Variants in MAVS observed in about 807,000 individuals in gnomAD.
The protein encoded by MAVS is mitochondrial antiviral signaling protein.
MAVS carries 20 observed loss-of-function variants against 30.2 expected under a neutral mutation model. The ratio of observed to expected loss-of-function variants is 0.66; its 90% confidence interval spans 0.47 to 0.96. The LOEUF is 0.96. Among genes scored for constraint, MAVS ranks in the 40% least tolerant of loss-of-function variants. The pLI is 0.00. For missense variants in MAVS, 624 were observed against 701.1 expected (o/e 0.89, Z 1.24); for synonymous variants, 278 against 293.9 (o/e 0.95, Z 0.55).
chr20:3,864,492 G>A lies in MAVS; in HGVS notation c.862G>A (p.Glu288Lys). Residue 288 changes from glutamate to lysine, a missense_variant, in exon 6 of 7, where the codon GAG becomes AAG. Glu to Lys is a moderately conservative substitution (Grantham distance 56). Transcript: ENST00000428216. ...GCCTATCATCTGCTCCAGTGGGGCAGAGGCACCTGCCAACTCTCTGCCCTC... is the reference window on the plus strand; with the variant it reads ...GCCTATCATCTGCTCCAGTGGGGCAAAGGCACCTGCCAACTCTCTGCCCTC... ...AEPIICSSGAEAPANSLPSKV... is the reference protein window; with the variant it reads ...AEPIICSSGAKAPANSLPSKV... 2 of 1,614,078 alleles carry A rather than the reference G, an allele frequency of 1.2e-6. No homozygotes were observed. The highest frequency in any genetic ancestry group is 1.1e-5 in the South Asian group (1 of 91,088).
intron 3 of MAVS, among the ~76,000 whole-genome samples, chr20:3,858,664 C>CA (rs1286736257): frequency 0.026 from 1,676 of 64,388 alleles, 17 homozygotes; most frequent in South Asian, 0.083. Flanking sequence ...GATTCCATCT[C>CA]AAAAAAAAAA....
At chr20:3,848,247 T>A (rs187881701) in intron 1 of MAVS, among the ~76,000 whole-genome samples, 10 of 152,050 alleles carry the variant, frequency 6.6e-5, no homozygotes, top group South Asian at 2.1e-4. Flanking sequence ...TACAGGTGTG[T>A]GCCACCATGC....
At chr20:3,848,962 G>C (rs567834132) in intron 1 of MAVS, among the ~76,000 whole-genome samples, 4 of 152,252 alleles carry the variant, frequency 2.6e-5, no homozygotes, top group Admixed American at 6.5e-5. Context: ...TAGTCATCCT[G>C]TCTCCTGGGC....
rs1446633624 is a variant in MAVS, at chr20:3,850,282, A to G, written c.-68+3379A>G. On this transcript the variant is annotated intron_variant, in intron 1 of 6. Transcript: ENST00000428216. ...AAGGAGCGAGACTGTCTCAAAAAAA[A>G]AAAAAAAAAAAAAAAAAGAAATTTT... Among the ~76,000 whole-genome samples the G allele has an allele frequency of 4.5e-4, 65 of 144,424 alleles. No individual in the cohort carries two copies. In the East Asian group the frequency reaches 0.013, roughly 29 times the overall value. The allele number at this position is 144,424 out of a possible 152,430, so 94.7% of individuals were successfully genotyped here.
At chr20:3,852,140 A>G (rs370580363) in intron 1 of MAVS, among the ~76,000 whole-genome samples, 11 of 150,708 alleles carry the variant, frequency 7.3e-5, no homozygotes, top group East Asian at 5.9e-4. Context: ...GACTACAGGC[A>G]CCCGCCAGTA....
rs553361495 is a variant in MAVS at position 3,857,819 on chromosome 20, C to T, written c.292+10C>T. The T allele has an allele frequency of 6.2e-7, 1 of 1,614,084 alleles. No individual in the cohort carries two copies. The highest frequency in any genetic ancestry group is 8.5e-7 in the Non-Finnish European group (1 of 1,179,966). On this transcript the variant is annotated intron_variant, in intron 3 of 6. Transcript: ENST00000428216. ...CAGAGCTACCAGCCTCGTGAGCGTC[C>T]TGCCCTTGCCCTCCTGGACCCCCAG...
At position 3,867,228 on chromosome 20, in the gene MAVS, T is replaced by C. The variant is rs1387169670; in HGVS notation, c.*1081T>C. 2.7e-6 allele frequency: 1 copy of C among 364,344 alleles called. No homozygotes were observed. Among genetic ancestry groups the C allele is most frequent in the African/African-American group, 2.1e-5 (1 of 46,942 alleles). The allele number at this position is 364,344 out of a possible 1,614,324, so 22.6% of individuals were successfully genotyped here. ...CAGCTCTGTGACCTTGGGCAAGGGA[T>C]TTATCTGTCTGTCCCTTAGTTTTCT... is the stretch of plus-strand genomic sequence containing the variant. On this transcript the variant is annotated 3_prime_UTR_variant, in exon 7 of 7. Transcript: ENST00000428216.
intron 3 of MAVS, among the ~76,000 whole-genome samples, chr20:3,858,529 A>G (rs1281666276): frequency 6.6e-6 from 1 of 151,872 alleles, no homozygotes; most frequent in Non-Finnish European, 1.5e-5. Context: ...AATACAGAAA[A>G]TTAGCCGGGC....
intron 3 of MAVS, among the ~76,000 whole-genome samples, chr20:3,858,408 G>A (rs991444663): frequency 1.3e-5 from 2 of 152,058 alleles, no homozygotes; most frequent in African/African-American, 4.8e-5. Context: ...GGCTGGGCGC[G>A]GTGTTTCACA....
intron 3 of MAVS, among the ~76,000 whole-genome samples, chr20:3,859,734 C>T (rs1232880359): frequency 6.6e-6 from 1 of 151,908 alleles, no homozygotes; most frequent in Admixed American, 6.6e-5. Flanking sequence ...ACGAGGCCCC[C>T]CCATACTCCC....
intron 1 of MAVS, among the ~76,000 whole-genome samples, chr20:3,853,262 G>A (rs1206686402): frequency 1.1e-4 from 16 of 150,646 alleles, no homozygotes; most frequent in South Asian, 8.4e-4. Context: ...CGAGGCGGGC[G>A]CATCACGAGG....
chr20:3,858,941 A>C (rs879448451), intron 3 of MAVS, among the ~76,000 whole-genome samples: 6 of 151,798 alleles, frequency 4.0e-5, no homozygotes, highest in Non-Finnish European at 5.9e-5. Flanking sequence ...CTGGGACTAC[A>C]GGCATGGACA....
chr20:3,855,252 C>G (rs1360757609), intron 2 of MAVS, among the ~76,000 whole-genome samples: 2 of 152,120 alleles, frequency 1.3e-5, no homozygotes, highest in Non-Finnish European at 2.9e-5. Context: ...CCGAGCTCCC[C>G]CTTGTGTTGC....
rs561703780 is a variant in MAVS at position 3,859,990 on chromosome 20, G to A, written c.293-1342G>A. The stretch of plus-strand genomic sequence containing the variant: ...TGCAACCATGCCCGGCTAACTTTTT[G>A]TATTTTTTAGTAGAGATGGGGTTTC... On this transcript the variant is annotated intron_variant, in intron 3 of 6. Coordinates refer to ENST00000428216, the MANE Select transcript of MAVS (RefSeq NM_020746.5). Among the ~76,000 whole-genome samples the A allele has an allele frequency of 2.7e-5, 4 of 150,816 alleles. No individual in the cohort carries two copies. The East Asian group carries it at 6.2e-4, about 23-fold the overall frequency.
In MAVS at chr20:3,854,554, C is replaced by A; in HGVS notation, c.-67-4C>A. The A allele has an allele frequency of 2.9e-6, 3 of 1,044,008 alleles. No individual in the cohort carries two copies. Among genetic ancestry groups the A allele is most frequent in the Non-Finnish European group, 4.4e-6 (3 of 688,176 alleles). The allele number at this position is 1,044,008 out of a possible 1,614,324, so 64.7% of individuals were successfully genotyped here. A position where few individuals can be genotyped will look rare whatever the true frequency, so the allele number is the denominator to read the frequency against. On this transcript the variant is annotated splice_region_variant and splice_polypyrimidine_tract_variant and intron_variant, in intron 1 of 6. Coordinates refer to ENST00000428216, the MANE Select transcript of MAVS (RefSeq NM_020746.5). ...GTTGTAATGTGTGATCTGTTTTCTT[C>A]CAGTCTCGTTTCCTCTCAGTCCATC... is the stretch of plus-strand genomic sequence containing the variant.
rs1568540419 is a variant in MAVS at position 3,869,342 on chromosome 20, T to C, written c.*3195T>C. 1 of 151,594 alleles carries C rather than the reference T, an allele frequency of 6.6e-6. No homozygotes were observed. The highest frequency in any genetic ancestry group is 1.5e-5 in the Non-Finnish European group (1 of 67,962). 9.4% of individuals were successfully genotyped at this position (151,594 alleles called of 1,614,324 possible). A position where few individuals can be genotyped will look rare whatever the true frequency, so the allele number is the denominator to read the frequency against. ...CGCCTGCCACCACGCCTGGCTAATT[T>C]TTTTGCACTTTTAGTAGAGACGGGG... On this transcript the variant is annotated 3_prime_UTR_variant, in exon 7 of 7. Coordinates refer to ENST00000428216, the MANE Select transcript of MAVS (RefSeq NM_020746.5).
Position 3,854,854 on chromosome 20 carries a change from C to T in MAVS, c.117+113C>T, listed in dbSNP as rs575308326. The T allele has an allele frequency of 5.4e-5, 35 of 648,076 alleles. 1 individual carries two copies. Among genetic ancestry groups the T allele is most frequent in the Middle Eastern group, 6.9e-4 (2 of 2,902 alleles). 40.1% of individuals were successfully genotyped at this position (648,076 alleles called of 1,614,324 possible). A position where few individuals can be genotyped will look rare whatever the true frequency, so the allele number is the denominator to read the frequency against. On this transcript the variant is annotated intron_variant, in intron 2 of 6. Coordinates refer to ENST00000428216, the MANE Select transcript of MAVS (RefSeq NM_020746.5). ...GCCTGGGCTGGCTCCTTCCTTCTTC[C>T]TCTTGCTGTGTCTTGCTCCTTGTCC...
At chr20:3,855,596 G>A (rs1258651021) in intron 2 of MAVS, among the ~76,000 whole-genome samples, 1 of 152,148 alleles carries the variant, frequency 6.6e-6, no homozygotes, top group Non-Finnish European at 1.5e-5. Context: ...GTACCTGTTG[G>A]CTCTTTTGGG....
chr20:3,847,372 G>A (rs1005875139), intron 1 of MAVS, among the ~76,000 whole-genome samples: 6 of 152,192 alleles, frequency 3.9e-5, no homozygotes, highest in Non-Finnish European at 8.8e-5. Flanking sequence ...CCTGGGTCGC[G>A]CCCAGGAATC....
Sources: allele counts gnomAD v4.1 joint callset (sites outside exome capture counted in the v4.1 genomes callset), GRCh38; gene constraint gnomAD v4.1.1; transcripts MANE v1.5; gene names NCBI Gene and HGNC (gene_info 2026-07-23, HGNC 2026-07-21).